The following NKAIN2 variants were observed in gnomAD, a reference collection of about 807,000 sequenced individuals.
The protein encoded by NKAIN2 is sodium/potassium transporting ATPase interacting 2.
Under a neutral mutation model 32.6 loss-of-function variants are expected in NKAIN2, and 14 were observed. The ratio of observed to expected loss-of-function variants is 0.43; its 90% CI spans 0.28 to 0.67. The LOEUF is 0.67. Among genes scored for constraint, NKAIN2 ranks in the 30% least tolerant of loss-of-function variants. The pLI is 0.17. For synonymous variants in NKAIN2, 80 were observed against 87.2 expected (o/e 0.92, Z 0.46); for missense variants, 198 against 258.3 (o/e 0.77, Z 1.60).
chr6:124,190,849 A>G (rs1789983643), intron 1 of NKAIN2, among the ~76,000 whole-genome samples: 1 of 152,146 alleles, frequency 6.6e-6, no homozygotes, highest in Non-Finnish European at 1.5e-5. Context: ...AATTCTTTAG[A>G]AAATAGACTC....
chr6:124,213,508 G>C (rs933247677), intron 1 of NKAIN2, among the ~76,000 whole-genome samples: 2 of 151,964 alleles, frequency 1.3e-5, no homozygotes, highest in Non-Finnish European at 2.9e-5. Flanking sequence ...AAAAAATACA[G>C]CCAGAGGAGT....
intron 1 of NKAIN2, among the ~76,000 whole-genome samples, chr6:123,903,131 T>A (rs1037201733): frequency 2.6e-5 from 4 of 152,200 alleles, no homozygotes; most frequent in Non-Finnish European, 4.4e-5. Context: ...TGAGTGAAAG[T>A]CGTTATCCTC....
At chr6:124,595,318 C>G (rs1257937344) in intron 3 of NKAIN2, among the ~76,000 whole-genome samples, 1 of 152,198 alleles carries the variant, frequency 6.6e-6, no homozygotes, top group South Asian at 2.1e-4. Flanking sequence ...GATCTGAACT[C>G]TTCTTCAACA....
chr6:124,171,614 C>T (rs969119667), intron 1 of NKAIN2, among the ~76,000 whole-genome samples: 37 of 124,130 alleles, frequency 3.0e-4, no homozygotes, highest in Admixed American at 1.4e-3. Context: ...TGCAGTGGTA[C>T]CATCTCGGCT....
chr6:124,237,885 A>G (rs1792862273), intron 1 of NKAIN2, among the ~76,000 whole-genome samples: 2 of 152,106 alleles, frequency 1.3e-5, no homozygotes. Context: ...CACTGAGGAG[A>G]AAGATGATAG....
intron 1 of NKAIN2, among the ~76,000 whole-genome samples, chr6:123,872,286 A>G (rs544311615): frequency 2.8e-4 from 42 of 152,326 alleles, no homozygotes; most frequent in South Asian, 1.0e-3. Flanking sequence ...TATGAGTGTA[A>G]TATCAAGGAT....
chr6:124,397,944 G>A (rs1394267025), intron 3 of NKAIN2, among the ~76,000 whole-genome samples: 1 of 151,938 alleles, frequency 6.6e-6, no homozygotes, highest in Non-Finnish European at 1.5e-5. Context: ...AAATTCCTAG[G>A]GAATTTATTT....
chr6:124,274,521 A>G (rs533413484), intron 1 of NKAIN2, among the ~76,000 whole-genome samples: 2 of 152,228 alleles, frequency 1.3e-5, no homozygotes, highest in African/African-American at 4.8e-5. Flanking sequence ...TCAGTTGCTA[A>G]TGATATGTGG....
chr6:123,836,445 ATC>A (rs1774627743), intron 1 of NKAIN2, among the ~76,000 whole-genome samples: 3 of 152,058 alleles, frequency 2.0e-5, no homozygotes, highest in African/African-American at 7.2e-5. Flanking sequence ...CTTCCCCAAA[ATC>A]TATAGCTGCA....
At chr6:124,770,154 A>T (rs1025939253) in intron 4 of NKAIN2, among the ~76,000 whole-genome samples, 2 of 152,170 alleles carry the variant, frequency 1.3e-5, no homozygotes, top group African/African-American at 4.8e-5. Flanking sequence ...AACAAACTAA[A>T]CATTACTTTA....
intron 1 of NKAIN2, among the ~76,000 whole-genome samples, chr6:123,889,877 G>A (rs1474556376): frequency 1.3e-5 from 2 of 152,058 alleles, no homozygotes; most frequent in Non-Finnish European, 2.9e-5. Context: ...TTAATCAGTG[G>A]TCGAAATATT....
At chr6:124,532,080 C>A (rs559577606) in intron 3 of NKAIN2, among the ~76,000 whole-genome samples, 1 of 152,162 alleles carries the variant, frequency 6.6e-6, no homozygotes, top group Non-Finnish European at 1.5e-5. Flanking sequence ...AGGATGTAAA[C>A]GTTGGGGTGC....
intron 2 of NKAIN2, among the ~76,000 whole-genome samples, chr6:124,296,975 C>T (rs1796082292): frequency 6.6e-6 from 1 of 152,204 alleles, no homozygotes; most frequent in African/African-American, 2.4e-5. Context: ...GACACTGAAG[C>T]AGCTTCCTTC....
chr6:124,068,403 T>G (rs1453795513), intron 1 of NKAIN2, among the ~76,000 whole-genome samples: 1 of 152,120 alleles, frequency 6.6e-6, no homozygotes, highest in Non-Finnish European at 1.5e-5. Context: ...TATGACTTTT[T>G]TTTTTGAGAC....
At chr6:124,224,159 TATTA>T (rs1234734973) in intron 1 of NKAIN2, among the ~76,000 whole-genome samples, 5 of 152,276 alleles carry the variant, frequency 3.3e-5, no homozygotes, top group East Asian at 3.9e-4. Context: ...TTTACATTCA[TATTA>T]ATTTACGTAC....
At chr6:123,883,672 AC>A (rs1244716951) in intron 1 of NKAIN2, among the ~76,000 whole-genome samples, 3 of 139,748 alleles carry the variant, frequency 2.1e-5, no homozygotes, top group African/African-American at 8.2e-5. Flanking sequence ...ATTTTAAAAA[AC>A]CTCTTTAAAA....
intron 3 of NKAIN2, among the ~76,000 whole-genome samples, chr6:124,373,718 GA>G (rs1316790146): frequency 6.6e-6 from 1 of 152,088 alleles, no homozygotes; most frequent in Non-Finnish European, 1.5e-5. Flanking sequence ...CACTGACAGG[GA>G]AGGATGATAA....
intron 2 of NKAIN2, among the ~76,000 whole-genome samples, chr6:124,287,909 C>CA (rs902723445): frequency 9.2e-5 from 14 of 151,854 alleles, no homozygotes; most frequent in African/African-American, 3.1e-4. Flanking sequence ...GTGATATTGC[C>CA]AAAAACAAAT....
chr6:124,799,780 G>T lies in NKAIN2; in HGVS notation c.535+8381G>T, dbSNP rs889658737. 3.3e-5 allele frequency among the ~76,000 whole-genome samples: 5 copies of T among 152,132 alleles called. No individual in the cohort carries two copies. In the South Asian group the frequency reaches 6.2e-4, roughly 19 times the overall value. On this transcript the variant is annotated intron_variant, in intron 5 of 6. Transcript: ENST00000368417. ...AAGAAAGAAACCATGTGACTTGAAG[G>T]AGGAGAAAGTAGTGACATTTACAGA...
Sources: allele counts gnomAD v4.1 joint callset (sites outside exome capture counted in the v4.1 genomes callset), GRCh38; gene constraint gnomAD v4.1.1; transcripts MANE v1.5; gene names NCBI Gene and HGNC (gene_info 2026-07-23, HGNC 2026-07-21).